The following SLC71A2 variants were observed in gnomAD, a reference collection of about 807,000 sequenced individuals.
The protein encoded by SLC71A2 is solute carrier family 71 member 2, also known as hippocampus abundant transcript-like 1.
chr9:94,400,940 C>G, the SLC71A2 span, among the ~76,000 whole-genome samples: 3 of 151,850 alleles, frequency 2.0e-5, no homozygotes, highest in African/African-American at 7.3e-5. Context: ...CCGGAATGCC[C>G]TTTAAATGGT....
chr9:94,454,348 A>G, the SLC71A2 span, among the ~76,000 whole-genome samples: 6 of 151,982 alleles, frequency 3.9e-5, no homozygotes, highest in African/African-American at 1.5e-4. Flanking sequence ...TTTTATGTCT[A>G]CTTTTTAAAG....
the SLC71A2 span, chr9:94,432,905 T>C: frequency 2.5e-6 from 1 of 394,060 alleles, no homozygotes; most frequent in South Asian, 2.1e-5. Context: ...AGCAAGAGGA[T>C]GCTCATACAT....
chr9:94,401,324 A>C, the SLC71A2 span, among the ~76,000 whole-genome samples: 1 of 152,106 alleles, frequency 6.6e-6, no homozygotes, highest in Admixed American at 6.5e-5. Flanking sequence ...GGCGTCCGCC[A>C]CCACAACCAG....
the SLC71A2 span, among the ~76,000 whole-genome samples, chr9:94,411,846 C>T: frequency 6.6e-6 from 1 of 152,194 alleles, no homozygotes; most frequent in African/African-American, 2.4e-5. Context: ...CTGCCTCAGC[C>T]TCCCGAAGTG....
At chr9:94,421,999 G>GCCT in the SLC71A2 span, among the ~76,000 whole-genome samples, 1 of 151,966 alleles carries the variant, frequency 6.6e-6, no homozygotes, top group South Asian at 2.1e-4. Flanking sequence ...CAGCAGCTCC[G>GCCT]CCTCCTGGGT....
At chr9:94,391,865 C>T in the SLC71A2 span, among the ~76,000 whole-genome samples, 1 of 152,022 alleles carries the variant, frequency 6.6e-6, no homozygotes, top group Non-Finnish European at 1.5e-5. Flanking sequence ...GGCAACAGAG[C>T]GAGACCCTGT....
At chr9:94,383,778 ATC>A in the SLC71A2 span, among the ~76,000 whole-genome samples, 3 of 151,574 alleles carry the variant, frequency 2.0e-5, no homozygotes, top group Admixed American at 1.3e-4. Flanking sequence ...TGAATGTAGT[ATC>A]TCTCCATTTA....
At chr9:94,425,745 G>T in the SLC71A2 span, among the ~76,000 whole-genome samples, 1 of 152,088 alleles carries the variant, frequency 6.6e-6, no homozygotes, top group African/African-American at 2.4e-5. Context: ...TACAAAGGCA[G>T]TCTAGTCTCC....
At chr9:94,388,877 A>G in the SLC71A2 span, among the ~76,000 whole-genome samples, 3 of 152,256 alleles carry the variant, frequency 2.0e-5, no homozygotes, top group Admixed American at 2.0e-4. Context: ...ACTGGAAGTT[A>G]GTATTCTGGA....
the SLC71A2 span, among the ~76,000 whole-genome samples, chr9:94,441,629 T>A: frequency 6.6e-6 from 1 of 152,222 alleles, no homozygotes; most frequent in East Asian, 1.9e-4. Context: ...AGCAGTCAAG[T>A]TGCACAAGCT....
chr9:94,442,079 G>A, the SLC71A2 span, among the ~76,000 whole-genome samples: 1 of 152,162 alleles, frequency 6.6e-6, no homozygotes, highest in African/African-American at 2.4e-5. Flanking sequence ...CTCTGTATTT[G>A]AAAATATTCA....
the SLC71A2 span, among the ~76,000 whole-genome samples, chr9:94,455,073 C>T: frequency 4.0e-5 from 6 of 150,636 alleles, no homozygotes; most frequent in African/African-American, 1.5e-4. Flanking sequence ...CTAGAATTGC[C>T]TTAGTTATCA....
At chr9:94,460,674 G>A in the SLC71A2 span, 4 of 107,284 alleles carry the variant, frequency 3.7e-5, no homozygotes, top group African/African-American at 1.5e-4. Context: ...TATTTGTAAA[G>A]GGTTTTAATT....
the SLC71A2 span, among the ~76,000 whole-genome samples, chr9:94,378,333 G>A: frequency 5.3e-5 from 8 of 152,060 alleles, no homozygotes; most frequent in African/African-American, 1.9e-4. Context: ...ACGTGTTGGG[G>A]AGGGAGCAAG....
the SLC71A2 span, among the ~76,000 whole-genome samples, chr9:94,430,472 C>T: frequency 1.2e-3 from 176 of 152,204 alleles, 1 homozygote; most frequent in Admixed American, 8.4e-3. Flanking sequence ...ATCTGCCCGC[C>T]TTGGCCTCCC....
At chr9:94,445,558 T>C in the SLC71A2 span, among the ~76,000 whole-genome samples, 1 of 152,222 alleles carries the variant, frequency 6.6e-6, no homozygotes, top group Non-Finnish European at 1.5e-5. Flanking sequence ...TTGAATGAGT[T>C]ATTTTAATTT....
the SLC71A2 span, among the ~76,000 whole-genome samples, chr9:94,439,802 A>T: frequency 1.3e-5 from 2 of 151,666 alleles, no homozygotes; most frequent in African/African-American, 4.8e-5. Context: ...TGTTCCTATA[A>T]ATTTTATCCT....
chr9:94,426,298 A>G, the SLC71A2 span, among the ~76,000 whole-genome samples: 112 of 152,142 alleles, frequency 7.4e-4, no homozygotes, highest in African/African-American at 2.6e-3. Context: ...TCTGTAGGTC[A>G]GCAGCTTTGA....
the SLC71A2 span, among the ~76,000 whole-genome samples, chr9:94,404,005 AG>A: frequency 1.7e-3 from 255 of 152,324 alleles, 7 homozygotes; most frequent in South Asian, 0.051. Flanking sequence ...GCTATTAAAA[AG>A]GGCTTGTGGG....
Sources: allele counts gnomAD v4.1 joint callset (sites outside exome capture counted in the v4.1 genomes callset), GRCh38; gene constraint gnomAD v4.1.1; transcripts MANE v1.5; gene names NCBI Gene and HGNC (gene_info 2026-07-23, HGNC 2026-07-21).